Variants in FAM13B observed in about 807,000 individuals in gnomAD.
FAM13B encodes the protein protein FAM13B.
FAM13B carries 60 observed loss-of-function variants against 117.3 expected under a neutral mutation model. The observed-to-expected ratio is 0.51, with a 90% CI of 0.42 to 0.63. FAM13B has a LOEUF of 0.63. Ranked by LOEUF, FAM13B falls within the 30% of genes least tolerant of loss-of-function variation. The pLI, the probability that FAM13B is intolerant of heterozygous loss-of-function variation, is 0.00. For missense variants in FAM13B, 972 were observed against 1,091.9 expected, an observed-to-expected ratio of 0.89 and a Z score of 1.55; for synonymous variants, 332 against 356.1, an observed-to-expected ratio of 0.93 and a Z score of 0.76.
chr5:138,038,024 C>A (rs974774626), upstream of FAM13B, among the ~76,000 whole-genome samples: 1 of 152,154 alleles, frequency 6.6e-6, no homozygotes, highest in African/African-American at 2.4e-5. Flanking sequence ...TAGCCATATA[C>A]AATTTTTTCA....
intron 10 of FAM13B, among the ~76,000 whole-genome samples, chr5:137,963,070 T>C (rs997001386): frequency 1.3e-5 from 2 of 152,160 alleles, no homozygotes; most frequent in African/African-American, 4.8e-5. Context: ...ATGATCACCT[T>C]TCAAATCAAC....
intron 15 of FAM13B, 23 bp from the exon 16 acceptor site, chr5:137,953,488 C>T (rs1765599829): frequency 1.2e-6 from 2 of 1,611,302 alleles, no homozygotes; most frequent in South Asian, 2.2e-5. Flanking sequence ...AAAAGGCCAA[C>T]ACTGTTAAAT....
chr5:137,987,307 G>A (rs960829810), intron 9 of FAM13B, among the ~76,000 whole-genome samples, 154 bp downstream of exon 9: 1 of 151,816 alleles, frequency 6.6e-6, no homozygotes, highest in African/African-American at 2.4e-5. Context: ...TGTTAAGTAT[G>A]GATGTATATA....
intron 10 of FAM13B, 148 bp downstream of exon 10, chr5:137,985,109 A>G (rs1223425607): frequency 3.5e-6 from 3 of 852,796 alleles, no homozygotes; most frequent in Non-Finnish European, 5.3e-6. Context: ...GATGTTTCCT[A>G]AACTCTGAAA....
At chr5:138,040,008 T>G (rs1350017916) in intron 1 of FAM13B, 1 of 151,998 alleles carries the variant, frequency 6.6e-6, no homozygotes, top group East Asian at 1.9e-4. Flanking sequence ...GGTTCAAGCC[T>G]GTAATCCCAG....
At chr5:137,944,017 T>C (rs10077561) in intron 20 of FAM13B, among the ~76,000 whole-genome samples, 149,288 of 152,250 alleles carry the variant, frequency 0.98, 73,263 homozygotes, top group Middle Eastern at 1. Flanking sequence ...CATTAGCTGT[T>C]ACTCATTTGC....
chr5:137,998,066 T>A (rs1780289869), intron 7 of FAM13B, among the ~76,000 whole-genome samples: 1 of 152,212 alleles, frequency 6.6e-6, no homozygotes, highest in African/African-American at 2.4e-5. Flanking sequence ...ATCAAGTTAT[T>A]TCTTTACTTC....
At chr5:138,041,814 A>G (rs560532207) in intron 1 of FAM13B, among the ~76,000 whole-genome samples, 1 of 152,002 alleles carries the variant, frequency 6.6e-6, no homozygotes, top group Admixed American at 6.6e-5. Context: ...AGACAGGAGA[A>G]TCACCTGAAC....
At chr5:138,006,796 G>GA (rs1782674206) in intron 7 of FAM13B, among the ~76,000 whole-genome samples, 194 bp downstream of exon 7, 1 of 151,920 alleles carries the variant, frequency 6.6e-6, no homozygotes, top group Non-Finnish European at 1.5e-5. Flanking sequence ...TTATGTTTTT[G>GA]AAAAAAGGTA....
chr5:137,970,822 T>C (rs1445954768), intron 10 of FAM13B, among the ~76,000 whole-genome samples: 2 of 151,848 alleles, frequency 1.3e-5, no homozygotes, highest in Non-Finnish European at 2.9e-5. Flanking sequence ...TAGTCTCTGA[T>C]AAAACAGACT....
chr5:138,008,978 A>T (rs1783247562), intron 6 of FAM13B, among the ~76,000 whole-genome samples: 1 of 152,160 alleles, frequency 6.6e-6, no homozygotes, highest in Non-Finnish European at 1.5e-5. Context: ...TCCAACCTAT[A>T]CTAAAAATAC....
chr5:138,011,045 T>C lies in FAM13B; in HGVS notation c.653A>G (p.Asp218Gly), dbSNP rs1783876180. Reference protein sequence around the residue: ...YYEFFENEEEDFSSNDLSSIT... With the variant: ...YYEFFENEEEGFSSNDLSSIT... Reference sequence around the variant, plus strand: ...TGAACTCAAATCATTAGATGAAAAATCTTCCTCTTCATTCTCAAAAAACTC... The same window carrying C: ...TGAACTCAAATCATTAGATGAAAAACCTTCCTCTTCATTCTCAAAAAACTC... The change falls in exon 6 of 24, where the codon GAT becomes GGT. Residue 218 changes from aspartate (D) to glycine (G), a missense_variant. Coordinates refer to ENST00000689681, the MANE Select transcript of FAM13B (RefSeq NM_001385994.1). 6.2e-7 allele frequency: 1 copy of C among 1,604,710 alleles called. No individual in the cohort carries two copies. Among genetic ancestry groups the C allele is most frequent in the East Asian group, 2.3e-5 (1 of 44,212 alleles).
chr5:138,001,719 A>C (rs576976603), intron 7 of FAM13B, among the ~76,000 whole-genome samples: 1 of 152,332 alleles, frequency 6.6e-6, no homozygotes, highest in South Asian at 2.1e-4. Context: ...GGTAAGGGAG[A>C]TCAAGAATGG....
intron 10 of FAM13B, among the ~76,000 whole-genome samples, chr5:137,972,519 A>C (rs1561478680): frequency 6.6e-6 from 1 of 151,598 alleles, no homozygotes; most frequent in Non-Finnish European, 1.5e-5. Context: ...AATGGGCAAA[A>C]ACTGGAAGCA....
chr5:137,994,638 T>C (rs2150693241), intron 7 of FAM13B, among the ~76,000 whole-genome samples: 1 of 152,286 alleles, frequency 6.6e-6, no homozygotes, highest in South Asian at 2.1e-4. Context: ...AAAGACCACA[T>C]AAAAATGCTA....
chr5:137,996,343 G>A (rs531079032), intron 7 of FAM13B, among the ~76,000 whole-genome samples: 242 of 152,000 alleles, frequency 1.6e-3, no homozygotes, highest in Middle Eastern at 3.4e-3. Context: ...GTTTCACCAC[G>A]TTAGCCAGGA....
At chr5:137,963,718 A>C (rs1464824224) in intron 10 of FAM13B, among the ~76,000 whole-genome samples, 1 of 152,112 alleles carries the variant, frequency 6.6e-6, no homozygotes, top group African/African-American at 2.4e-5. Context: ...CAGCTGGGGG[A>C]GTGGGGAGTG....
At chr5:137,988,745 C>A (rs1391352700) in intron 7 of FAM13B, among the ~76,000 whole-genome samples, 1 of 152,224 alleles carries the variant, frequency 6.6e-6, no homozygotes, top group South Asian at 2.1e-4. Flanking sequence ...AACAAAGATG[C>A]TCTACTGCCT....
chr5:138,009,072 A>T (rs1783282270), intron 6 of FAM13B, among the ~76,000 whole-genome samples: 1 of 152,220 alleles, frequency 6.6e-6, no homozygotes, highest in African/African-American at 2.4e-5. Context: ...CCCAGGAGGC[A>T]GAGGTTGCAG....
Sources: allele counts gnomAD v4.1 joint callset (sites outside exome capture counted in the v4.1 genomes callset), GRCh38; gene constraint gnomAD v4.1.1; transcripts MANE v1.5; gene names NCBI Gene and HGNC (gene_info 2026-07-23, HGNC 2026-07-21).